TENT4A: variants seen among roughly 807,000 people sequenced by gnomAD.
TENT4A encodes the protein DNA polymerase kappa.
Under a neutral mutation model 72.8 loss-of-function variants are expected in TENT4A, and 7 were observed. The ratio of observed to expected loss-of-function variants is 0.10; its 90% CI spans 0.05 to 0.18. TENT4A has a LOEUF of 0.18. Among genes scored for constraint, TENT4A ranks in the 10% least tolerant of loss-of-function variants. The pLI is 1.00. For missense variants in TENT4A, 831 were observed against 1,017.7 expected, an observed-to-expected ratio of 0.82 and a Z score of 2.50; for synonymous variants, 456 against 434.3, an observed-to-expected ratio of 1.05 and a Z score of -0.62.
chr5:6,733,276 G>A (rs1291488938), intron 1 of TENT4A, among the ~76,000 whole-genome samples: 2 of 152,260 alleles, frequency 1.3e-5, no homozygotes, highest in Non-Finnish European at 2.9e-5. Context: ...TGAGGCTGCA[G>A]GGGAGGATGG....
At chr5:6,740,764 C>T (rs1267718488) in intron 4 of TENT4A, among the ~76,000 whole-genome samples, 2 of 152,206 alleles carry the variant, frequency 1.3e-5, no homozygotes, top group Non-Finnish European at 2.9e-5. Flanking sequence ...ACCAGAGGTT[C>T]CCTCCAGGCC....
intron 1 of TENT4A, among the ~76,000 whole-genome samples, chr5:6,723,849 G>A (rs533258406): frequency 6.6e-6 from 1 of 152,320 alleles, no homozygotes; most frequent in African/African-American, 2.4e-5. Context: ...GCTTTCTTGA[G>A]GTGTTCCAGA....
intron 1 of TENT4A, among the ~76,000 whole-genome samples, chr5:6,730,147 G>T (rs147631346): frequency 6.6e-6 from 1 of 151,958 alleles, no homozygotes; most frequent in Non-Finnish European, 1.5e-5. Flanking sequence ...AGCATTTGCA[G>T]CGTGCTTGGG....
chr5:6,747,488 T>C (rs1742168418), intron 7 of TENT4A, among the ~76,000 whole-genome samples: 1 of 152,228 alleles, frequency 6.6e-6, no homozygotes, highest in African/African-American at 2.4e-5. Context: ...GAGCTTTATT[T>C]ATTTCCTAAA....
chr5:6,731,180 A>G (rs1579465776), intron 1 of TENT4A, among the ~76,000 whole-genome samples: 1 of 152,332 alleles, frequency 6.6e-6, no homozygotes, highest in South Asian at 2.1e-4. Context: ...AGCTGAAGTG[A>G]GGGAACTTCG....
chr5:6,750,315 CT>C lies in TENT4A; in HGVS notation c.1688-11del, dbSNP rs1484678102. ...AGTTCTCAGGAGTTATTAACCAAGGCTTTTTCCCTCCACAGACAGCAGGATC... is the reference window on the plus strand; with the variant it reads ...AGTTCTCAGGAGTTATTAACCAAGGCTTTTCCCTCCACAGACAGCAGGATC... On this transcript the variant is annotated splice_polypyrimidine_tract_variant and intron_variant, in intron 9 of 12. Coordinates refer to ENST00000230859, the MANE Select transcript of TENT4A (RefSeq NM_006999.6). 4 of 1,599,172 alleles carry C rather than the reference CT, an allele frequency of 2.5e-6. No individual in the cohort carries two copies. The highest frequency in any genetic ancestry group is 2.3e-5 in the South Asian group (2 of 88,846).
chr5:6,748,107 G>A (rs755661862), intron 7 of TENT4A, among the ~76,000 whole-genome samples: 1 of 152,246 alleles, frequency 6.6e-6, no homozygotes, highest in Non-Finnish European at 1.5e-5. Flanking sequence ...CACAATGGTA[G>A]TCTTTGGCTT....
chr5:6,749,871 G>A (rs1165550608), intron 9 of TENT4A, among the ~76,000 whole-genome samples: 1 of 152,180 alleles, frequency 6.6e-6, no homozygotes, highest in Non-Finnish European at 1.5e-5. Flanking sequence ...TTTCTAGGCT[G>A]TGTCAAATGT....
intron 11 of TENT4A, 104 bp from the exon 12 acceptor site, chr5:6,752,769 C>G (rs1742480537): frequency 1.1e-6 from 1 of 932,548 alleles, no homozygotes; most frequent in African/African-American, 1.6e-5. Flanking sequence ...CCACATGCAA[C>G]TGTGCCATTT....
At position 6,714,407 on chromosome 5, in the gene TENT4A, G is replaced by GGCGGCGGCC; in HGVS notation, c.433_441dup (p.Arg145_Gly147dup). ...CAGCAGCGCCTCGCTGGGCCGGCCG[G>GGCGGCGGCC]GCGGCGGCCGCGGCGGCGCCTTCTT... On this transcript the variant is annotated inframe_insertion, in exon 1 of 13. Transcript: ENST00000230859. 8.7e-7 allele frequency: 1 copy of GGCGGCGGCC among 1,142,866 alleles called. No homozygotes were observed. Among genetic ancestry groups the GGCGGCGGCC allele is most frequent in the Non-Finnish European group, 1.1e-6 (1 of 931,712 alleles). The allele number at this position is 1,142,866 out of a possible 1,614,324, so 70.8% of individuals were successfully genotyped here. A position where few individuals can be genotyped will look rare whatever the true frequency, so the allele number is the denominator to read the frequency against.
chr5:6,727,800 CAGTG>C (rs1035741005), intron 1 of TENT4A, among the ~76,000 whole-genome samples: 3 of 152,188 alleles, frequency 2.0e-5, no homozygotes, highest in African/African-American at 7.2e-5. Flanking sequence ...CATATAAACT[CAGTG>C]AGAGTAGGGG....
chr5:6,747,609 T>C (rs1742174995), intron 7 of TENT4A, among the ~76,000 whole-genome samples: 1 of 152,182 alleles, frequency 6.6e-6, no homozygotes, highest in African/African-American at 2.4e-5. Flanking sequence ...TGGCAGTGTA[T>C]CATCCATTTT....
chr5:6,747,362 A>G (rs112362717), intron 7 of TENT4A, among the ~76,000 whole-genome samples: 1 of 152,114 alleles, frequency 6.6e-6, no homozygotes, highest in Non-Finnish European at 1.5e-5. Context: ...CTTGTCACAC[A>G]TGTCATACTT....
intron 9 of TENT4A, among the ~76,000 whole-genome samples, 158 bp from the exon 10 acceptor site, chr5:6,750,173 A>G (rs1166264171): frequency 6.6e-6 from 1 of 152,264 alleles, no homozygotes; most frequent in African/African-American, 2.4e-5. Context: ...AACTAATTGA[A>G]TGTAATTTTT....
Position 6,713,842 on chromosome 5 carries a change from CCCG to C in TENT4A, c.-118_-116del, listed in dbSNP as rs541247870. 0.029 allele frequency: 4,554 copies of C among 156,342 alleles called. 140 individuals carry two copies. Among genetic ancestry groups the C allele is most frequent in the African/African-American group, 0.076 (2,999 of 39,632 alleles). The allele number at this position is 156,342 out of a possible 1,614,324, so 9.7% of individuals were successfully genotyped here. A position where few individuals can be genotyped will look rare whatever the true frequency, so the allele number is the denominator to read the frequency against. ...GAGCAGGAGGCCGGGGCTCGGCCCGCCCGCCGCCGCCGCCGCCGCCGCCGCCAC... is the reference window on the plus strand; with the variant it reads ...GAGCAGGAGGCCGGGGCTCGGCCCGCCCGCCGCCGCCGCCGCCGCCGCCAC... On this transcript the variant is annotated 5_prime_UTR_variant, in exon 1 of 13. Coordinates refer to ENST00000230859, the MANE Select transcript of TENT4A (RefSeq NM_006999.6).
intron 1 of TENT4A, among the ~76,000 whole-genome samples, chr5:6,737,008 GA>G (rs1338804911): frequency 2.0e-5 from 3 of 152,232 alleles, no homozygotes; most frequent in Admixed American, 2.0e-4. Flanking sequence ...CGGGGCCCCT[GA>G]GGACTCATAC....
In TENT4A at chr5:6,755,123, G is replaced by T; in HGVS notation, c.*178G>T. 2.0e-6 allele frequency: 1 copy of T among 503,832 alleles called. No homozygotes were observed. Among genetic ancestry groups the T allele is most frequent in the Non-Finnish European group, 3.5e-6 (1 of 287,910 alleles). The allele number at this position is 503,832 out of a possible 1,614,324, so 31.2% of individuals were successfully genotyped here. A position where few individuals can be genotyped will look rare whatever the true frequency, so the allele number is the denominator to read the frequency against. On this transcript the variant is annotated 3_prime_UTR_variant, in exon 13 of 13. Coordinates refer to ENST00000230859, the MANE Select transcript of TENT4A (RefSeq NM_006999.6). ...TCGCGTCCATCTTCAAGAACAGCTCGTTGTGCTCATCTGTGAAGCCTTATT... is the reference window on the plus strand; with the variant it reads ...TCGCGTCCATCTTCAAGAACAGCTCTTTGTGCTCATCTGTGAAGCCTTATT...
chr5:6,755,765 G>C lies in TENT4A; in HGVS notation c.*820G>C, dbSNP rs1471022015. Reference sequence around the variant, plus strand: ...CTGTCGGGCCCCAGGCCGTTGTCCTGCTCTGACCACAGAGTTTTAATGTTT... The same window carrying C: ...CTGTCGGGCCCCAGGCCGTTGTCCTCCTCTGACCACAGAGTTTTAATGTTT... On this transcript the variant is annotated 3_prime_UTR_variant, in exon 13 of 13. Transcript: ENST00000230859. 1 of 152,268 alleles carries C rather than the reference G, an allele frequency of 6.6e-6. No homozygotes were observed. The highest frequency in any genetic ancestry group is 1.5e-5 in the Non-Finnish European group (1 of 68,054). 9.4% of individuals were successfully genotyped at this position (152,268 alleles called of 1,614,324 possible). A position where few individuals can be genotyped will look rare whatever the true frequency, so the allele number is the denominator to read the frequency against.
chr5:6,753,019 C>T lies in TENT4A; in HGVS notation c.2166C>T (p.Ser722=), dbSNP rs774776180. 6.2e-7 allele frequency: 1 copy of T among 1,614,110 alleles called. No homozygotes were observed. Among genetic ancestry groups the T allele is most frequent in the Non-Finnish European group, 8.5e-7 (1 of 1,180,000 alleles). The part of the protein sequence containing the change: ...IPSASPNPLS[S]PHLYHKQHNG... ...CAGCGTCCCCCAACCCGCTCTCGAGCCCTCATCTGTATCATAAGGTATAGC... is the reference window on the plus strand; with the variant it reads ...CAGCGTCCCCCAACCCGCTCTCGAGTCCTCATCTGTATCATAAGGTATAGC... Residue 722 remains serine (S), a synonymous_variant, in exon 12 of 13, where the codon AGC becomes AGT. Coordinates refer to ENST00000230859, the MANE Select transcript of TENT4A (RefSeq NM_006999.6).
Sources: allele counts gnomAD v4.1 joint callset (sites outside exome capture counted in the v4.1 genomes callset), GRCh38; gene constraint gnomAD v4.1.1; transcripts MANE v1.5; gene names NCBI Gene and HGNC (gene_info 2026-07-23, HGNC 2026-07-21).